Variants in PRKAR1B observed in about 807,000 individuals in gnomAD.
The protein encoded by PRKAR1B is protein kinase cAMP-dependent type I regulatory subunit beta, also known as cAMP-dependent protein kinase type I-beta regulatory subunit.
Under a neutral mutation model 46.5 loss-of-function variants are expected in PRKAR1B, and 22 were observed. The observed-to-expected ratio is 0.47, with a 90% confidence interval of 0.34 to 0.68. The LOEUF (loss-of-function observed/expected upper bound fraction) is 0.68, where lower values mean the gene tolerates loss of function less well. Among genes scored for constraint, PRKAR1B ranks in the 30% least tolerant of loss-of-function variants. The probability of loss-of-function intolerance (pLI) is 0.01; values close to 1 mark genes in which losing one functional copy is unlikely to be tolerated. For missense variants in PRKAR1B, 445 were observed against 535.6 expected (o/e 0.83, Z 1.67); for synonymous variants, 259 against 217.7 (o/e 1.19, Z -1.67).
chr7:575,239 G>A (rs1411728362), intron 9 of PRKAR1B, among the ~76,000 whole-genome samples: 1 of 152,222 alleles, frequency 6.6e-6, no homozygotes, highest in Non-Finnish European at 1.5e-5. Flanking sequence ...CAGTCATATG[G>A]CAGCTGTTGA....
At chr7:718,681 T>C (rs142102044) in intron 1 of PRKAR1B, among the ~76,000 whole-genome samples, 271 of 152,040 alleles carry the variant, frequency 1.8e-3, no homozygotes, top group African/African-American at 6.3e-3. Flanking sequence ...GTCTAGAAAA[T>C]GTGCCTTCAT....
chr7:691,157 G>A (rs118188318), intron 2 of PRKAR1B, among the ~76,000 whole-genome samples: 36 of 149,494 alleles, frequency 2.4e-4, no homozygotes, highest in East Asian at 4.3e-4. Context: ...AGGGTCCCGC[G>A]CCCACCCAAA....
intron 9 of PRKAR1B, among the ~76,000 whole-genome samples, chr7:577,620 A>G (rs1378410246): frequency 2.0e-5 from 3 of 152,276 alleles, no homozygotes; most frequent in African/African-American, 4.8e-5. Flanking sequence ...GAGCCTCCGG[A>G]CGACGGACGC....
intron 4 of PRKAR1B, among the ~76,000 whole-genome samples, chr7:656,456 GATAA>G (rs1400939171): frequency 6.6e-6 from 1 of 152,178 alleles, no homozygotes; most frequent in Non-Finnish European, 1.5e-5. Context: ...TGAATGAGTG[GATAA>G]ATGAGTGAAT....
At chr7:670,331 C>T (rs1786165818) in intron 4 of PRKAR1B, among the ~76,000 whole-genome samples, 1 of 152,188 alleles carries the variant, frequency 6.6e-6, no homozygotes, top group South Asian at 2.1e-4. Flanking sequence ...CACGCCAGGC[C>T]AGGGGACCAG....
chr7:611,186 G>A (rs1416502860), intron 4 of PRKAR1B, among the ~76,000 whole-genome samples: 1 of 152,228 alleles, frequency 6.6e-6, no homozygotes, highest in Non-Finnish European at 1.5e-5. Context: ...TATCATGAAC[G>A]CTCCTCCACG....
At chr7:651,069 G>A (rs1784879722) in intron 4 of PRKAR1B, among the ~76,000 whole-genome samples, 1 of 152,250 alleles carries the variant, frequency 6.6e-6, no homozygotes, top group Admixed American at 6.5e-5. Flanking sequence ...CCGGGTTCCT[G>A]CTTTGGTGCT....
intron 10 of PRKAR1B, 52 bp from the exon 11 acceptor site, chr7:550,654 A>G: frequency 6.9e-7 from 1 of 1,443,008 alleles, no homozygotes. Context: ...CTGAGGCTGC[A>G]GCAGGGAAAG....
intron 4 of PRKAR1B, among the ~76,000 whole-genome samples, chr7:621,046 A>G (rs1783084036): frequency 6.6e-6 from 1 of 152,240 alleles, no homozygotes; most frequent in South Asian, 2.1e-4. Context: ...CTTTCTCTAC[A>G]ATCTACTAAT....
chr7:646,923 G>C lies in PRKAR1B; in HGVS notation c.440+30306C>G, dbSNP rs1271907937. 2.0e-5 allele frequency among the ~76,000 whole-genome samples: 3 copies of C among 152,322 alleles called. 1 individual carries two copies. The East Asian group carries it at 5.8e-4, about 29-fold the overall frequency. Reference sequence around the variant, plus strand: ...CACAGGCGAAGGGCCCTGGGCTGAGGGCGGCAGCGGTACACCTGGCAGGGA... The same window carrying C: ...CACAGGCGAAGGGCCCTGGGCTGAGCGCGGCAGCGGTACACCTGGCAGGGA... On this transcript the variant is annotated intron_variant, in intron 4 of 10. Coordinates refer to ENST00000537384, the MANE Select transcript of PRKAR1B (RefSeq NM_001164760.2).
intron 4 of PRKAR1B, among the ~76,000 whole-genome samples, chr7:619,031 C>T (rs1008396511): frequency 6.6e-6 from 1 of 152,190 alleles, no homozygotes; most frequent in East Asian, 1.9e-4. Flanking sequence ...CAGAGCACCA[C>T]AGACTGGCAG....
intron 1 of PRKAR1B, chr7:712,473 G>A (rs1244435577): frequency 1.4e-5 from 2 of 147,814 alleles, no homozygotes; most frequent in African/African-American, 4.9e-5. Context: ...GCGCGGGGAC[G>A]GCTGGCGAGC....
intron 4 of PRKAR1B, among the ~76,000 whole-genome samples, chr7:646,876 C>G (rs968810627): frequency 2.0e-5 from 3 of 152,238 alleles, no homozygotes; most frequent in African/African-American, 7.2e-5. Flanking sequence ...AGGCCATTAG[C>G]TGAGCTCACA....
chr7:725,320 A>T (rs1051319603), intron 1 of PRKAR1B, among the ~76,000 whole-genome samples: 7 of 152,178 alleles, frequency 4.6e-5, no homozygotes, highest in Non-Finnish European at 5.9e-5. Flanking sequence ...AATTACACAC[A>T]TTCTGCCTTT....
Position 692,851 on chromosome 7 carries a change from T to C in PRKAR1B, c.178-12125A>G, listed in dbSNP as rs116606169. On this transcript the variant is annotated intron_variant, in intron 2 of 10. Transcript: ENST00000537384. ...AGGGAAGGGCAGGTTCTCAACCCCA[T>C]AGTAGGAAAACCTGGGGCTTCATCC... 3.5e-3 allele frequency among the ~76,000 whole-genome samples: 526 copies of C among 151,894 alleles called. 4 individuals carry two copies. Among genetic ancestry groups the C allele is most frequent in the African/African-American group, 0.012 (502 of 41,436 alleles).
intron 8 of PRKAR1B, among the ~76,000 whole-genome samples, chr7:579,754 G>A (rs1780071328): frequency 6.6e-6 from 1 of 152,152 alleles, no homozygotes; most frequent in African/African-American, 2.4e-5. Context: ...TTACATTTTT[G>A]CAAACAATGG....
chr7:677,088 C>G (rs1468343226), intron 4 of PRKAR1B, 141 bp downstream of exon 4: 4 of 795,590 alleles, frequency 5.0e-6, no homozygotes, highest in Non-Finnish European at 2.1e-6. Context: ...GCTGTGATTC[C>G]CAGGCGAGCA....
rs137895956 is a variant in PRKAR1B, at chr7:568,256, G to A, written c.891+11000C>T. Among the ~76,000 whole-genome samples the A allele has an allele frequency of 2.6e-3, 396 of 152,066 alleles. 2 individuals are homozygous for A. Among genetic ancestry groups the A allele is most frequent in the African/African-American group, 8.9e-3 (369 of 41,466 alleles). On this transcript the variant is annotated intron_variant, in intron 9 of 10. Coordinates refer to ENST00000537384, the MANE Select transcript of PRKAR1B (RefSeq NM_001164760.2). ...CCACCCCTGTCCTGGAGGCATGGCC[G>A]AGCCACAAGGTAGGTGACCTTGTGT...
chr7:616,999 T>TA, intron 4 of PRKAR1B, among the ~76,000 whole-genome samples: 2 of 149,774 alleles, frequency 1.3e-5, no homozygotes, highest in African/African-American at 4.9e-5. Flanking sequence ...TGCTTTTTTT[T>TA]TTTTTTTTTT....
Sources: allele counts gnomAD v4.1 joint callset (sites outside exome capture counted in the v4.1 genomes callset), GRCh38; gene constraint gnomAD v4.1.1; transcripts MANE v1.5; gene names NCBI Gene and HGNC (gene_info 2026-07-23, HGNC 2026-07-21).